Variants in KIRREL3 observed in about 807,000 individuals in gnomAD.
The protein encoded by KIRREL3 is kin of IRRE-like protein 3.
KIRREL3 carries 36 observed loss-of-function variants against 89.7 expected under a neutral mutation model. The ratio of observed to expected loss-of-function variants is 0.40; its 90% CI spans 0.31 to 0.53. The LOEUF (loss-of-function observed/expected upper bound fraction) is 0.53, where lower values mean the gene tolerates loss of function less well. Ranked by LOEUF, KIRREL3 falls within the 20% of genes least tolerant of loss-of-function variation. The pLI, the probability that KIRREL3 is intolerant of heterozygous loss-of-function variation, is 0.49. For missense variants in KIRREL3, 864 were observed against 1,056.6 expected (o/e 0.82, Z 2.53); for synonymous variants, 445 against 441.4 (o/e 1.01, Z -0.10).
At chr11:126,727,770 G>A (rs912100572) in intron 1 of KIRREL3, among the ~76,000 whole-genome samples, 1 of 152,222 alleles carries the variant, frequency 6.6e-6, no homozygotes, top group African/African-American at 2.4e-5. Flanking sequence ...CGCTGTCTCT[G>A]TGAGGACAAA....
At chr11:126,765,404 C>T (rs757441544) in intron 1 of KIRREL3, among the ~76,000 whole-genome samples, 21 of 152,224 alleles carry the variant, frequency 1.4e-4, no homozygotes, top group Non-Finnish European at 2.6e-4. Context: ...AAAACGAAAC[C>T]AGCAACCCAC....
chr11:126,567,168 C>T (rs1223961153), intron 1 of KIRREL3, among the ~76,000 whole-genome samples: 2 of 152,220 alleles, frequency 1.3e-5, no homozygotes, highest in Non-Finnish European at 2.9e-5. Flanking sequence ...ATCCCAGTCC[C>T]TCAGAGTGTG....
At position 126,953,190 on chromosome 11, in the gene KIRREL3, G is replaced by A. The variant is rs1031992779; in HGVS notation, c.55+47265C>T. ...GAGTTCATGTCCTTTGCAGGGATAT[G>A]GATGAAACTGGAAACCATCATTCTC... On this transcript the variant is annotated intron_variant, in intron 1 of 16. Transcript: ENST00000525144. This position sits in a 1 kb window ranked among gnomAD's most constrained non-coding sequence, Gnocchi z 5.2. Among the ~76,000 whole-genome samples the A allele has an allele frequency of 2.0e-5, 3 of 152,130 alleles. No individual in the cohort carries two copies. Among genetic ancestry groups the A allele is most frequent in the African/African-American group, 7.2e-5 (3 of 41,420 alleles).
chr11:126,737,572 C>T (rs943085406), intron 1 of KIRREL3, among the ~76,000 whole-genome samples: 19 of 152,112 alleles, frequency 1.2e-4, no homozygotes, highest in Non-Finnish European at 2.1e-4. Context: ...GCTGGTACGA[C>T]GATGGCAGTA....
In KIRREL3 at chr11:126,763,979, C is replaced by A. The variant is rs1949741801; in HGVS notation, c.56-201067G>T. On this transcript the variant is annotated intron_variant, in intron 1 of 16. Transcript: ENST00000525144. The surrounding 1 kb of genome is among the most constrained non-coding windows in gnomAD (Gnocchi z 4.7). ...TTCCCCCACAACTCTGCATTCCCCT[C>A]CCCATCCACAGCATAGTTCTCCCAT... is the stretch of plus-strand genomic sequence containing the variant. Among the ~76,000 whole-genome samples, 1 of 152,178 alleles carries A rather than the reference C, an allele frequency of 6.6e-6. No homozygotes were observed. The highest frequency in any genetic ancestry group is 1.5e-5 in the Non-Finnish European group (1 of 68,032).
intron 4 of KIRREL3, among the ~76,000 whole-genome samples, chr11:126,503,489 A>G (rs970271209): frequency 6.6e-6 from 1 of 152,146 alleles, no homozygotes; most frequent in African/African-American, 2.4e-5. Context: ...GGTATAAAAA[A>G]CATTTGGGTA....
chr11:126,784,296 A>T (rs1950416338), intron 1 of KIRREL3, among the ~76,000 whole-genome samples: 1 of 152,264 alleles, frequency 6.6e-6, no homozygotes. Context: ...CAAGATGTTA[A>T]CAATAAAGAA....
chr11:126,648,263 G>A (rs539055024), intron 1 of KIRREL3, among the ~76,000 whole-genome samples: 3 of 152,218 alleles, frequency 2.0e-5, no homozygotes, highest in Admixed American at 6.5e-5. Flanking sequence ...TTTTTACCCC[G>A]TCTCACGTAC....
chr11:126,627,853 C>T lies in KIRREL3; in HGVS notation c.56-64941G>A, dbSNP rs1488864082. Among the ~76,000 whole-genome samples, 1 of 152,142 alleles carries T rather than the reference C, an allele frequency of 6.6e-6. No individual in the cohort carries two copies. The highest frequency in any genetic ancestry group is 2.4e-5 in the African/African-American group (1 of 41,436). On this transcript the variant is annotated intron_variant, in intron 1 of 16. Coordinates refer to ENST00000525144, the MANE Select transcript of KIRREL3 (RefSeq NM_032531.4). This position sits in a 1 kb window ranked among gnomAD's most constrained non-coding sequence, Gnocchi z 5.0. ...GAGCACCATGAGCCTCTCTCTCTCCCATGTGTAGTGAGAGGATAGGTGGGT... is the reference window on the plus strand; with the variant it reads ...GAGCACCATGAGCCTCTCTCTCTCCTATGTGTAGTGAGAGGATAGGTGGGT...
At chr11:126,545,216 T>C (rs1340754842) in intron 2 of KIRREL3, among the ~76,000 whole-genome samples, 2 of 152,220 alleles carry the variant, frequency 1.3e-5, no homozygotes, top group African/African-American at 4.8e-5. Flanking sequence ...CAAGATAACA[T>C]GAAACTGCCC....
rs760620356 is a variant in KIRREL3 at position 126,620,216 on chromosome 11, T to C, written c.56-57304A>G. ...TTCCAATCAGCTATTATAGTTCCCT[T>C]TAGTTCTTTCTAAACTTCCCTTGTT... On this transcript the variant is annotated intron_variant, in intron 1 of 16. Coordinates refer to ENST00000525144, the MANE Select transcript of KIRREL3 (RefSeq NM_032531.4). The surrounding 1 kb of genome is among the most constrained non-coding windows in gnomAD (Gnocchi z 4.8). Among the ~76,000 whole-genome samples the C allele has an allele frequency of 1.3e-5, 2 of 152,238 alleles. No individual in the cohort carries two copies. Among genetic ancestry groups the C allele is most frequent in the Non-Finnish European group, 1.5e-5 (1 of 68,040 alleles).
At chr11:126,871,799 C>T (rs974854603) in intron 1 of KIRREL3, among the ~76,000 whole-genome samples, 27 of 152,304 alleles carry the variant, frequency 1.8e-4, no homozygotes, top group African/African-American at 6.3e-4. Context: ...GCACTGAAAC[C>T]AGCTATACTT....
At position 126,610,527 on chromosome 11, in the gene KIRREL3, T is replaced by C. The variant is rs529211109; in HGVS notation, c.56-47615A>G. 1.8e-4 allele frequency: 28 copies of C among 152,356 alleles called. No homozygotes were observed. Among genetic ancestry groups the C allele is most frequent in the East Asian group, 5.8e-4 (3 of 5,186 alleles). The allele number at this position is 152,356 out of a possible 1,614,324, so 9.4% of individuals were successfully genotyped here. A position where few individuals can be genotyped will look rare whatever the true frequency, so the allele number is the denominator to read the frequency against. On this transcript the variant is annotated intron_variant, in intron 1 of 16. Transcript: ENST00000525144. The surrounding 1 kb of genome is among the most constrained non-coding windows in gnomAD (Gnocchi z 4.6). ...CCTGCAACCTCATGGGAATGTGGGA[T>C]AATGAGAGAGAATGTTTGCATTGGA...
intron 1 of KIRREL3, among the ~76,000 whole-genome samples, chr11:126,775,038 A>G (rs1274368333): frequency 1.3e-5 from 2 of 152,246 alleles, no homozygotes; most frequent in Non-Finnish European, 2.9e-5. Context: ...CTTCCCTAAT[A>G]TGCAACTGGT....
intron 1 of KIRREL3, among the ~76,000 whole-genome samples, chr11:126,631,219 C>G (rs1281038929): frequency 6.6e-6 from 1 of 152,184 alleles, no homozygotes; most frequent in Non-Finnish European, 1.5e-5. Flanking sequence ...CATCTGAATT[C>G]ATTCTCACAG....
rs896357363 is a variant in KIRREL3 at position 126,788,923 on chromosome 11, T to A, written c.55+211532A>T. Among the ~76,000 whole-genome samples the A allele has an allele frequency of 6.6e-6, 1 of 152,154 alleles. No homozygotes were observed. The highest frequency in any genetic ancestry group is 2.4e-5 in the African/African-American group (1 of 41,416). On this transcript the variant is annotated intron_variant, in intron 1 of 16. Coordinates refer to ENST00000525144, the MANE Select transcript of KIRREL3 (RefSeq NM_032531.4). This position sits in a 1 kb window ranked among gnomAD's most constrained non-coding sequence, Gnocchi z 4.1. ...ATCAAAGAGTGTCATGTATTAAGCA[T>A]CTACTGGAGTGTGAGGCTGGGCACC...
chr11:126,932,152 C>T (rs1051387154), intron 1 of KIRREL3, among the ~76,000 whole-genome samples: 2 of 152,190 alleles, frequency 1.3e-5, no homozygotes, highest in Non-Finnish European at 2.9e-5. Context: ...GCTGACACTC[C>T]TATCCTGATT....
chr11:126,591,418 G>C lies in KIRREL3; in HGVS notation c.56-28506C>G, dbSNP rs528517057. On this transcript the variant is annotated intron_variant, in intron 1 of 16. Transcript: ENST00000525144. ...TGTTCTGGTGGGAGGTTTGTGCAAGGTTGGCCCCGGCTGGTTATAACAGCC... is the reference window on the plus strand; with the variant it reads ...TGTTCTGGTGGGAGGTTTGTGCAAGCTTGGCCCCGGCTGGTTATAACAGCC... Among the ~76,000 whole-genome samples, 12 of 152,296 alleles carry C rather than the reference G, an allele frequency of 7.9e-5. No homozygotes were observed. The South Asian group carries it at 2.3e-3, about 29-fold the overall frequency.
In KIRREL3 at chr11:126,689,042, AAGAGAGAGAGAGAGAG is replaced by A. The variant is rs58257040; in HGVS notation, c.56-126146_56-126131del. Among the ~76,000 whole-genome samples, 15 of 129,816 alleles carry A rather than the reference AAGAGAGAGAGAGAGAG, an allele frequency of 1.2e-4. No homozygotes were observed. Among genetic ancestry groups the A allele is most frequent in the African/African-American group, 3.3e-4 (11 of 33,428 alleles). 85.2% of individuals were successfully genotyped at this position (129,816 alleles called of 152,430 possible). On this transcript the variant is annotated intron_variant, in intron 1 of 16. Coordinates refer to ENST00000525144, the MANE Select transcript of KIRREL3 (RefSeq NM_032531.4). This position sits in a 1 kb window ranked among gnomAD's most constrained non-coding sequence, Gnocchi z 5.2. ...ATGTGTGTGTGTGTAAGGGGGAGAG[AAGAGAGAGAGAGAGAG>A]AGAGAGAGAGAGAGAGAGAGAGAGT...
Sources: allele counts gnomAD v4.1 joint callset (sites outside exome capture counted in the v4.1 genomes callset), GRCh38; gene constraint gnomAD v4.1.1; non-coding constraint Gnocchi (gnomAD v3.1); transcripts MANE v1.5; gene names NCBI Gene and HGNC (gene_info 2026-07-23, HGNC 2026-07-21).